NAV2: variants seen among roughly 807,000 people sequenced by gnomAD.
NAV2 encodes the protein helicase, APC down-regulated 1.
In NAV2, 54 loss-of-function variants were observed where a neutral mutation model predicts 223.2. The observed-to-expected ratio is 0.24, with a 90% confidence interval of 0.19 to 0.30. The LOEUF (loss-of-function observed/expected upper bound fraction) is 0.30. NAV2 is among the 10% of genes least tolerant of loss of function. The pLI is 1.00. For synonymous variants in NAV2, 1,279 were observed against 1,239.3 expected (o/e 1.03, Z -0.67); for missense variants, 2,806 against 3,147.5 (o/e 0.89, Z 2.60).
intron 1 of NAV2, among the ~76,000 whole-genome samples, chr11:19,406,151 C>A (rs1012749960): frequency 3.3e-5 from 5 of 152,128 alleles, no homozygotes. Flanking sequence ...TTGTATTCTC[C>A]CCCCAGGTTA....
chr11:19,385,801 G>T (rs1043229284), intron 1 of NAV2, among the ~76,000 whole-genome samples: 1 of 129,810 alleles, frequency 7.7e-6, no homozygotes, highest in East Asian at 2.5e-4. Context: ...TCGCTCTGTC[G>T]CCCAGGCTGG....
At chr11:19,556,268 A>G (rs1220846954) in intron 1 of NAV2, among the ~76,000 whole-genome samples, 1 of 152,250 alleles carries the variant, frequency 6.6e-6, no homozygotes, top group Non-Finnish European at 1.5e-5. Context: ...GGGAATGTGA[A>G]TTATGGTGCA....
In NAV2 at chr11:19,533,676, GTC is replaced by G. The variant is rs200273495; in HGVS notation, c.75+182662_75+182663del. On this transcript the variant is annotated intron_variant, in intron 1 of 37. Coordinates refer to the NAV2 transcript ENST00000360655. ...CCACCCCCTCTGTTTCTGTCTGTCT[GTC>G]TCTCTCTCTCTCCCCTCTGGGAACT... is the stretch of plus-strand genomic sequence containing the variant. 6.8e-5 allele frequency among the ~76,000 whole-genome samples: 10 copies of G among 147,288 alleles called. No individual in the cohort carries two copies. The South Asian group carries it at 8.8e-4, about 13-fold the overall frequency.
chr11:19,969,114 C>T (rs1358537282), intron 10 of NAV2, among the ~76,000 whole-genome samples: 1 of 152,236 alleles, frequency 6.6e-6, no homozygotes, highest in Non-Finnish European at 1.5e-5. Context: ...CTGACCTATA[C>T]ATATTGAAAT....
At chr11:19,925,372 A>G (rs1190844296) in intron 6 of NAV2, among the ~76,000 whole-genome samples, 5 of 152,254 alleles carry the variant, frequency 3.3e-5, no homozygotes, top group African/African-American at 7.2e-5. Context: ...GTTTTGCCCT[A>G]TGTTTTCCTT....
At chr11:20,004,892 G>T (rs182716212) in intron 11 of NAV2, among the ~76,000 whole-genome samples, 2 of 152,080 alleles carry the variant, frequency 1.3e-5, no homozygotes, top group African/African-American at 4.8e-5. Flanking sequence ...CCAGAATAGG[G>T]TTCAGCTCAA....
At chr11:19,422,809 T>A (rs978634570) in intron 1 of NAV2, among the ~76,000 whole-genome samples, 1 of 152,240 alleles carries the variant, frequency 6.6e-6, no homozygotes, top group Non-Finnish European at 1.5e-5. Flanking sequence ...TTTCTCTCCA[T>A]CCCTCTCCCC....
intron 1 of NAV2, among the ~76,000 whole-genome samples, chr11:19,500,173 C>T (rs2042920899): frequency 6.6e-6 from 1 of 152,146 alleles, no homozygotes; most frequent in Admixed American, 6.5e-5. Context: ...GACCTTGGCA[C>T]ATTTCCACTG....
intron 1 of NAV2, among the ~76,000 whole-genome samples, chr11:19,746,992 T>C (rs1191690739): frequency 2.7e-5 from 4 of 149,872 alleles, no homozygotes; most frequent in African/African-American, 9.8e-5. Flanking sequence ...GCTGCACCCA[T>C]TAACTCATCA....
chr11:19,982,355 C>T (rs2050376706), intron 10 of NAV2, among the ~76,000 whole-genome samples: 1 of 152,058 alleles, frequency 6.6e-6, no homozygotes, highest in Non-Finnish European at 1.5e-5. Flanking sequence ...GCAACCTCCA[C>T]CTCCCGGGTT....
chr11:20,031,919 C>T (rs1232923861), intron 11 of NAV2, among the ~76,000 whole-genome samples: 2 of 152,102 alleles, frequency 1.3e-5, no homozygotes, highest in African/African-American at 4.8e-5. Context: ...TTCCACATTC[C>T]CTTCTTAGGG....
chr11:19,700,785 C>T (rs1368827181), intron 1 of NAV2, among the ~76,000 whole-genome samples: 4 of 152,212 alleles, frequency 2.6e-5, no homozygotes, highest in Non-Finnish European at 4.4e-5. Flanking sequence ...AGTAATTATA[C>T]ATTCACTGAT....
At chr11:19,875,381 G>T (rs983508755) in intron 4 of NAV2, among the ~76,000 whole-genome samples, 1 of 152,132 alleles carries the variant, frequency 6.6e-6, no homozygotes, top group Non-Finnish European at 1.5e-5. Flanking sequence ...TTATAATAAG[G>T]TGTTGAATAT....
chr11:19,508,456 T>G (rs1202456078), intron 1 of NAV2, among the ~76,000 whole-genome samples: 1 of 152,216 alleles, frequency 6.6e-6, no homozygotes, highest in Non-Finnish European at 1.5e-5. Context: ...GGCAGGTACC[T>G]TCTCTCCTCA....
intron 1 of NAV2, among the ~76,000 whole-genome samples, chr11:19,403,254 T>C (rs1187533905): frequency 6.6e-6 from 1 of 152,178 alleles, no homozygotes; most frequent in Non-Finnish European, 1.5e-5. Context: ...CCTTGCTGGG[T>C]GCTTCAGATA....
In NAV2 at chr11:19,738,514, T is replaced by C. The variant is rs573183623; in HGVS notation, c.267+24552T>C. Among the ~76,000 whole-genome samples the C allele has an allele frequency of 3.9e-5, 6 of 152,302 alleles. No homozygotes were observed. The East Asian group carries it at 5.8e-4, about 15-fold the overall frequency. On this transcript the variant is annotated intron_variant, in intron 1 of 37. Transcript: ENST00000349880. The stretch of plus-strand genomic sequence containing the variant: ...ATGGTGGCTTTTCCTAATGGGGAAC[T>C]GTGGCTGAGTTTTCCTGGGGCGAAG...
intron 22 of NAV2, 135 bp from the exon 23 acceptor site, chr11:20,077,416 AG>A: frequency 1.6e-6 from 1 of 620,786 alleles, no homozygotes; most frequent in Non-Finnish European, 2.9e-6. Flanking sequence ...AGTGGTGGGG[AG>A]TGGGATTCAA....
chr11:19,552,413 C>G (rs944834875), intron 1 of NAV2, among the ~76,000 whole-genome samples: 14 of 152,142 alleles, frequency 9.2e-5, no homozygotes, highest in African/African-American at 2.2e-4. Context: ...AGGGGTTGTT[C>G]CATCGGGGCT....
At chr11:19,370,734 G>T (rs1352533107) in intron 1 of NAV2, among the ~76,000 whole-genome samples, 7 of 152,184 alleles carry the variant, frequency 4.6e-5, no homozygotes, top group African/African-American at 1.2e-4. Flanking sequence ...GCCTGTGCTT[G>T]CAGACTCCCC....
Sources: gnomAD v4.1 joint callset for allele counts (sites outside exome capture counted in the v4.1 genomes callset) on GRCh38, gnomAD v4.1.1 for gene constraint, MANE v1.5 for transcripts, NCBI Gene and HGNC (gene_info 2026-07-23, HGNC 2026-07-21) for gene names.